Variants in MYH10 observed in about 807,000 individuals in gnomAD.
MYH10 encodes the protein myosin-10.
Under a neutral mutation model 257.8 loss-of-function variants are expected in MYH10, and 55 were observed. The ratio of observed to expected loss-of-function variants is 0.21; its 90% CI spans 0.17 to 0.27. MYH10 has a LOEUF of 0.27. Ranked by LOEUF, MYH10 falls within the 10% of genes least tolerant of loss-of-function variation. The pLI, the probability that MYH10 is intolerant of heterozygous loss-of-function variation, is 1.00. For synonymous variants in MYH10, 854 were observed against 921.7 expected (o/e 0.93, Z 1.33); for missense variants, 1,631 against 2,500.6 (o/e 0.65, Z 7.42).
At position 8,475,717 on chromosome 17, in the gene MYH10, T is replaced by C. The variant is rs773657427; in HGVS notation, c.*87A>G. 2.2e-5 allele frequency: 32 copies of C among 1,475,624 alleles called. No individual in the cohort carries two copies. Among genetic ancestry groups the C allele is most frequent in the Non-Finnish European group, 2.7e-5 (29 of 1,079,398 alleles). The allele number at this position is 1,475,624 out of a possible 1,614,324, so 91.4% of individuals were successfully genotyped here. The stretch of plus-strand genomic sequence containing the variant: ...GTTGATCTTTCAGGAAGGAATCCCG[T>C]AGCTTGCCAATTTCCGAAATCTGCA... On this transcript the variant is annotated 3_prime_UTR_variant, in exon 43 of 43. Transcript: ENST00000360416.
intron 4 of MYH10, among the ~76,000 whole-genome samples, chr17:8,579,351 T>C (rs1483853180): frequency 6.6e-6 from 1 of 152,140 alleles, no homozygotes; most frequent in East Asian, 1.9e-4. Flanking sequence ...GAAAAATTAC[T>C]GGTTGCATTA....
At chr17:8,517,629 C>G (rs2081512703) in intron 21 of MYH10, among the ~76,000 whole-genome samples, 1 of 152,216 alleles carries the variant, frequency 6.6e-6, no homozygotes, top group Non-Finnish European at 1.5e-5. Flanking sequence ...TGGGTCCAGG[C>G]ACCATCATCT....
At position 8,518,957 on chromosome 17, in the gene MYH10, G is replaced by T. The variant is rs1255909390; in HGVS notation, c.2274-7C>A. On this transcript the variant is annotated splice_region_variant and splice_polypyrimidine_tract_variant and intron_variant, in intron 19 of 42. Transcript: ENST00000360416. The stretch of plus-strand genomic sequence containing the variant: ...TGGAGTTAGGATCTCATATCTGTAA[G>T]AGAATATTCCAAGAAGTATTTTGTA... 1.3e-6 allele frequency: 2 copies of T among 1,585,120 alleles called. No homozygotes were observed. Among genetic ancestry groups the T allele is most frequent in the South Asian group, 1.1e-5 (1 of 88,106 alleles).
chr17:8,621,301 T>TA lies in MYH10; in HGVS notation c.345+1600_345+1601insT, dbSNP rs576611778. On this transcript the variant is annotated intron_variant, in intron 2 of 42. Coordinates refer to ENST00000360416, the MANE Select transcript of MYH10 (RefSeq NM_001256012.3). ...TTAATTTTGCAGTTTTCTCACTCCT[T>TA]CACCCCATGATCCCTGTTCCTCAAC... Among the ~76,000 whole-genome samples, 179 of 152,178 alleles carry TA rather than the reference T, an allele frequency of 1.2e-3. 1 individual carries two copies. The highest frequency in any genetic ancestry group is 6.8e-3 in the Middle Eastern group (2 of 294).
chr17:8,476,031 G>A (rs542533228), intron 42 of MYH10, 83 bp from the exon 43 acceptor site: 30 of 1,467,614 alleles, frequency 2.0e-5, no homozygotes, highest in East Asian at 9.3e-5. Context: ...TCAATGCCAC[G>A]GAACCTTCCC....
In MYH10 at chr17:8,623,027, C is replaced by T. The variant is rs1399368512; in HGVS notation, c.220G>A (p.Asp74Asn). The change falls in exon 2 of 43, where the codon GAT becomes AAT. Residue 74 changes from aspartate to asparagine, a missense_variant. Physicochemically the swap from Asp to Asn is conservative, Grantham distance 23. Around this residue, in one of 11 missense-constraint regions of MYH10, gnomAD observed 360 missense variants for 581.9 expected, o/e 0.62. Coordinates refer to ENST00000360416, the MANE Select transcript of MYH10 (RefSeq NM_001256012.3). ...ENGKKAMVNK[D>N]DIQKMNPPKF... ...GGTGGGTTCATCTTCTGAATATCAT[C>T]TTTGTTGACCATTGCTTTCTTTCCA... 10 of 1,614,094 alleles carry T rather than the reference C, an allele frequency of 6.2e-6. No individual in the cohort carries two copies. Among genetic ancestry groups the T allele is most frequent in the Non-Finnish European group, 7.6e-6 (9 of 1,180,044 alleles).
Position 8,509,947 on chromosome 17 carries a change from G to T in MYH10, c.2955C>A (p.Asp985Glu), listed in dbSNP as rs1031985824. 8 of 1,608,726 alleles carry T rather than the reference G, an allele frequency of 5.0e-6. No homozygotes were observed. In the Admixed American group the frequency reaches 5.1e-5, roughly 10 times the overall value. ...CCTCCTCGTCTAGCTGTTCTTCCAG[G>T]TCCTTGTGAAGAACACACAGTCAGT... ...EKKKMQAHIQDLEEQLDEEEG... is the reference protein window; with the variant it reads ...EKKKMQAHIQELEEQLDEEEG... The change falls in exon 25 of 43, where the codon GAC (aspartate) becomes GAA (glutamate). Residue 985 changes from aspartate (D) to glutamate (E), a missense_variant and splice_region_variant. Asp to Glu is a conservative substitution (Grantham distance 45). Around this residue, in one of 11 missense-constraint regions of MYH10, gnomAD observed 169 missense variants for 249.8 expected, o/e 0.68. Coordinates refer to ENST00000360416, the MANE Select transcript of MYH10 (RefSeq NM_001256012.3).
chr17:8,476,371 C>T (rs187962604), intron 42 of MYH10, among the ~76,000 whole-genome samples: 4 of 152,344 alleles, frequency 2.6e-5, no homozygotes, highest in South Asian at 4.1e-4. Flanking sequence ...TGTATAAAAG[C>T]AGGGTATGCA....
intron 16 of MYH10, among the ~76,000 whole-genome samples, chr17:8,533,480 A>G (rs1431758486): frequency 6.6e-6 from 1 of 152,130 alleles, no homozygotes; most frequent in African/African-American, 2.4e-5. Context: ...ATGCCACCCC[A>G]GACACTCACT....
intron 4 of MYH10, among the ~76,000 whole-genome samples, chr17:8,585,022 TA>T (rs1402589591): frequency 2.0e-5 from 3 of 151,822 alleles, no homozygotes; most frequent in Non-Finnish European, 4.4e-5. Context: ...TTTGTATTTT[TA>T]GTAGAGACGG....
In MYH10 at chr17:8,506,521, A is replaced by T; in HGVS notation, c.3215-32T>A. ...GGTAAGACATAAGAAGCTCTTCAAC[A>T]CACCGAGTGACTCACCACAGGAATA... On this transcript the variant is annotated intron_variant, in intron 26 of 42. Transcript: ENST00000360416. This position sits in a 1 kb window ranked among gnomAD's most constrained non-coding sequence, Gnocchi z 5.0. The T allele has an allele frequency of 2.5e-6, 4 of 1,588,892 alleles. No individual in the cohort carries two copies. The highest frequency in any genetic ancestry group is 1.4e-5 in the African/African-American group (1 of 73,140).
intron 3 of MYH10, among the ~76,000 whole-genome samples, chr17:8,601,120 C>G (rs1178732649): frequency 6.6e-6 from 1 of 152,168 alleles, no homozygotes; most frequent in East Asian, 1.9e-4. Flanking sequence ...ATTGTTACAG[C>G]AAGCAAAACT....
chr17:8,557,731 T>G (rs2082854514), intron 7 of MYH10, among the ~76,000 whole-genome samples: 1 of 152,140 alleles, frequency 6.6e-6, no homozygotes, highest in South Asian at 2.1e-4. Flanking sequence ...TTGCTACATC[T>G]TACAAAGTCA....
intron 3 of MYH10, among the ~76,000 whole-genome samples, chr17:8,601,315 AGGCCTC>A (rs1309176689): frequency 1.3e-5 from 2 of 152,180 alleles, no homozygotes; most frequent in Non-Finnish European, 2.9e-5. Flanking sequence ...TGCAAGGTAG[AGGCCTC>A]GGTGTTCCTA....
At chr17:8,580,677 T>C (rs867908508) in intron 4 of MYH10, among the ~76,000 whole-genome samples, 23 of 152,196 alleles carry the variant, frequency 1.5e-4, no homozygotes, top group African/African-American at 5.1e-4. Context: ...CTGGCTACTA[T>C]TGGCACATAG....
At chr17:8,487,821 A>C (rs897584289) in intron 35 of MYH10, among the ~76,000 whole-genome samples, 4 of 152,190 alleles carry the variant, frequency 2.6e-5, no homozygotes, top group African/African-American at 4.8e-5. Flanking sequence ...CATCCCACTG[A>C]CTGCTACGAG....
intron 6 of MYH10, chr17:8,573,914 G>A (rs1486015313): frequency 2.8e-5 from 17 of 602,488 alleles, no homozygotes; most frequent in Non-Finnish European, 3.3e-5. Flanking sequence ...AAGTGCCAAT[G>A]AGGATATGGA....
chr17:8,586,542 T>C (rs920995156), intron 4 of MYH10, among the ~76,000 whole-genome samples: 2 of 152,126 alleles, frequency 1.3e-5, no homozygotes. Flanking sequence ...GAAAAAGCAA[T>C]TTAAAAAAGA....
At chr17:8,539,298 C>A (rs548943363) in intron 14 of MYH10, among the ~76,000 whole-genome samples, 2 of 152,246 alleles carry the variant, frequency 1.3e-5, no homozygotes, top group Non-Finnish European at 2.9e-5. Flanking sequence ...GTGCTGTTCA[C>A]CTGCTGATTT....
Sources: allele counts gnomAD v4.1 joint callset (sites outside exome capture counted in the v4.1 genomes callset), GRCh38; gene constraint gnomAD v4.1.1; regional missense constraint gnomAD v4.1.1; non-coding constraint Gnocchi (gnomAD v3.1); transcripts MANE v1.5; gene names NCBI Gene and HGNC (gene_info 2026-07-23, HGNC 2026-07-21).